MTFR1: variants seen among roughly 807,000 people sequenced by gnomAD.
MTFR1 encodes the protein mitochondrial fission regulator 1.
A neutral mutation model predicts 38.8 loss-of-function variants in MTFR1; 28 were observed. The observed-to-expected ratio is 0.72, with a 90% confidence interval of 0.53 to 0.99. The LOEUF (loss-of-function observed/expected upper bound fraction) is 0.99. Ranked by LOEUF, MTFR1 falls within the 50% of genes least tolerant of loss-of-function variation. The pLI is 0.00. For missense variants in MTFR1, 358 were observed against 395.5 expected (o/e 0.91, Z 0.81); for synonymous variants, 145 against 137.0 (o/e 1.06, Z -0.41).
chr8:65,710,839 G>A (rs561854019), downstream of MTFR1, among the ~76,000 whole-genome samples: 96 of 152,162 alleles, frequency 6.3e-4, no homozygotes, highest in South Asian at 8.1e-3. Context: ...CCACACCCAC[G>A]TCATTCAGTT....
downstream of MTFR1, among the ~76,000 whole-genome samples, chr8:65,771,616 A>G (rs1300537949): frequency 4.6e-5 from 7 of 152,160 alleles, no homozygotes; most frequent in Admixed American, 3.3e-4. Context: ...TGGCTCACGC[A>G]TGTAATCCCA....
chr8:65,665,638 C>T (rs570850629), intron 1 of MTFR1, among the ~76,000 whole-genome samples: 4 of 152,288 alleles, frequency 2.6e-5, no homozygotes, highest in South Asian at 4.1e-4. Context: ...TCTTCCTTAT[C>T]GCGCTAGCCA....
At chr8:65,742,686 A>G (rs1370693658) in intron 3 of MTFR1, among the ~76,000 whole-genome samples, 1 of 152,208 alleles carries the variant, frequency 6.6e-6, no homozygotes, top group East Asian at 1.9e-4. Context: ...AATATAAGCT[A>G]AAGGAATTTT....
intron 3 of MTFR1, chr8:65,689,503 A>G (rs534903110): frequency 9.7e-7 from 1 of 1,033,228 alleles, no homozygotes; most frequent in Non-Finnish European, 1.3e-6. Context: ...CTCTGAATGA[A>G]ATGTGATTTT....
chr8:65,652,007 G>A (rs574033933), intron 1 of MTFR1, among the ~76,000 whole-genome samples: 59 of 151,310 alleles, frequency 3.9e-4, no homozygotes, highest in Non-Finnish European at 7.1e-4. Flanking sequence ...CATCCAGGCC[G>A]GAGTGCAGCG....
intron 1 of MTFR1, among the ~76,000 whole-genome samples, chr8:65,668,494 G>A (rs898788261): frequency 6.7e-6 from 1 of 148,274 alleles, no homozygotes; most frequent in Non-Finnish European, 1.5e-5. Flanking sequence ...AGCCTTTAAG[G>A]AAGATTTTCT....
rs766902728 is a variant in MTFR1 at position 65,664,610 on chromosome 8, G to GT, written c.-80-5245dup. 9.8e-3 allele frequency among the ~76,000 whole-genome samples: 1,277 copies of GT among 129,782 alleles called. 13 individuals are homozygous for GT. The highest frequency in any genetic ancestry group is 0.025 in the South Asian group (98 of 3,956). The allele number at this position is 129,782 out of a possible 152,430, so 85.1% of individuals were successfully genotyped here. A position where few individuals can be genotyped will look rare whatever the true frequency, so the allele number is the denominator to read the frequency against. On this transcript the variant is annotated intron_variant, in intron 1 of 7. Transcript: ENST00000262146. ...AAATAAAAATGATAGGTTTTCCTTT[G>GT]TTTTTTTTTTTTTTTTTTCTCCATC...
At chr8:65,644,585 C>G (rs991943038), upstream of MTFR1, 1 of 152,290 alleles carries the variant, frequency 6.6e-6, no homozygotes, top group African/African-American at 2.4e-5. Flanking sequence ...CCGACTGTGA[C>G]TCTCAGCAGC....
intron 3 of MTFR1, among the ~76,000 whole-genome samples, chr8:65,754,951 G>A (rs1224457968): frequency 2.7e-5 from 4 of 150,434 alleles, no homozygotes; most frequent in Admixed American, 2.0e-4. Context: ...GCGACAGAGC[G>A]AGACTCCCTC....
At chr8:65,775,918 A>G (rs935736092), downstream of MTFR1, among the ~76,000 whole-genome samples, 1 of 152,104 alleles carries the variant, frequency 6.6e-6, no homozygotes, top group African/African-American at 2.4e-5. Flanking sequence ...GTGAGCCACC[A>G]TGCCCGGCCT....
chr8:65,754,023 G>T (rs1355830), intron 3 of MTFR1, among the ~76,000 whole-genome samples: 35,225 of 151,874 alleles, frequency 0.23, 5,811 homozygotes, highest in African/African-American at 0.47. Flanking sequence ...GGGGAGTTAA[G>T]TATTAACTCA....
At chr8:65,747,200 A>T (rs1435965032) in intron 3 of MTFR1, among the ~76,000 whole-genome samples, 1 of 152,190 alleles carries the variant, frequency 6.6e-6, no homozygotes, top group Admixed American at 6.5e-5. Flanking sequence ...ATACACACAC[A>T]CACACAAAAA....
At chr8:65,673,170 T>G (rs1804609921) in intron 2 of MTFR1, among the ~76,000 whole-genome samples, 2 of 152,180 alleles carry the variant, frequency 1.3e-5, no homozygotes, top group African/African-American at 4.8e-5. Flanking sequence ...CACTTGGAGA[T>G]CATTGTAGCG....
At chr8:65,705,144 T>A (rs1180172130) in intron 5 of MTFR1, among the ~76,000 whole-genome samples, 2 of 151,990 alleles carry the variant, frequency 1.3e-5, no homozygotes, top group African/African-American at 4.8e-5. Flanking sequence ...GCCAACATGG[T>A]GAAACCCCAT....
At chr8:65,774,639 T>C (rs189420524), downstream of MTFR1, among the ~76,000 whole-genome samples, 66 of 151,620 alleles carry the variant, frequency 4.4e-4, no homozygotes, top group African/African-American at 1.6e-3. Flanking sequence ...AATATTTAAA[T>C]ATTTAGTTAA....
At chr8:65,754,483 G>T (rs934141793) in intron 3 of MTFR1, among the ~76,000 whole-genome samples, 4 of 151,316 alleles carry the variant, frequency 2.6e-5, no homozygotes, top group African/African-American at 9.7e-5. Context: ...GATTACAGGT[G>T]CCCACCACCA....
chr8:65,741,018 A>G (rs1174083761), intron 3 of MTFR1, among the ~76,000 whole-genome samples: 1 of 152,208 alleles, frequency 6.6e-6, no homozygotes, highest in Non-Finnish European at 1.5e-5. Context: ...AAGTGGAGTC[A>G]CACCAAGAAT....
chr8:65,765,213 G>A (rs1808705533), intron 3 of MTFR1, among the ~76,000 whole-genome samples: 1 of 152,048 alleles, frequency 6.6e-6, no homozygotes, highest in Non-Finnish European at 1.5e-5. Context: ...GGGCGAGCCG[G>A]GCGCGGTGGC....
At position 65,709,153 on chromosome 8, in the gene MTFR1, G is replaced by A; in HGVS notation, c.*109G>A. 2 of 1,006,818 alleles carry A rather than the reference G, an allele frequency of 2.0e-6. No individual in the cohort carries two copies. Among genetic ancestry groups the A allele is most frequent in the South Asian group, 2.8e-5 (2 of 72,180 alleles). 62.4% of individuals were successfully genotyped at this position (1,006,818 alleles called of 1,614,324 possible). A position where few individuals can be genotyped will look rare whatever the true frequency, so the allele number is the denominator to read the frequency against. On this transcript the variant is annotated 3_prime_UTR_variant, in exon 8 of 8. Coordinates refer to ENST00000262146, the MANE Select transcript of MTFR1 (RefSeq NM_014637.4). ...GTAAATACCTCTTTAGTATTCAGTGGTCTTCTTTTCAGGCTAATTAGTGGA... is the reference window on the plus strand; with the variant it reads ...GTAAATACCTCTTTAGTATTCAGTGATCTTCTTTTCAGGCTAATTAGTGGA...
Sources: gnomAD v4.1 joint callset for allele counts (sites outside exome capture counted in the v4.1 genomes callset) on GRCh38, gnomAD v4.1.1 for gene constraint, MANE v1.5 for transcripts, NCBI Gene and HGNC (gene_info 2026-07-23, HGNC 2026-07-21) for gene names.